The following FAM120A variants were observed in gnomAD, a reference collection of about 807,000 sequenced individuals.
FAM120A encodes the protein constitutive coactivator of PPAR-gamma-like protein 1.
Under a neutral mutation model 109.7 loss-of-function variants are expected in FAM120A, and 15 were observed. The ratio of observed to expected loss-of-function variants is 0.14; its 90% confidence interval spans 0.09 to 0.21. The LOEUF (loss-of-function observed/expected upper bound fraction) is 0.21, where lower values mean the gene tolerates loss of function less well. FAM120A is among the 10% of genes least tolerant of loss of function. The pLI, the probability that FAM120A is intolerant of heterozygous loss-of-function variation, is 1.00. For synonymous variants in FAM120A, 493 were observed against 572.8 expected, an observed-to-expected ratio of 0.86 and a Z score of 1.99; for missense variants, 899 against 1,439.3, an observed-to-expected ratio of 0.62 and a Z score of 6.07.
intron 10 of FAM120A, among the ~76,000 whole-genome samples, chr9:93,533,868 G>A (rs1861423230): frequency 6.6e-6 from 1 of 152,148 alleles, no homozygotes; most frequent in Non-Finnish European, 1.5e-5. Flanking sequence ...TTATTTGCTT[G>A]TGTGTTCTAA....
At chr9:93,560,099 C>T (rs1461438115) in intron 15 of FAM120A, among the ~76,000 whole-genome samples, 3 of 152,082 alleles carry the variant, frequency 2.0e-5, no homozygotes, top group Non-Finnish European at 4.4e-5. Context: ...TCAAGACCAG[C>T]CTGGGCAATA....
chr9:93,461,149 AT>A (rs946626931), intron 1 of FAM120A, among the ~76,000 whole-genome samples: 6 of 152,200 alleles, frequency 3.9e-5, no homozygotes, highest in African/African-American at 1.4e-4. Flanking sequence ...TGCGCCAGTC[AT>A]TTGGCATTTC....
intron 1 of FAM120A, among the ~76,000 whole-genome samples, chr9:93,464,202 ACTTGCCAAGTAAG>A (rs1857914635): frequency 2.0e-5 from 3 of 152,190 alleles, no homozygotes; most frequent in Non-Finnish European, 2.9e-5. Flanking sequence ...AAACAATTAT[ACTTGCCAAGTAAG>A]TTTGGGAGTT....
chr9:93,521,124 A>G (rs1860828663), intron 7 of FAM120A, among the ~76,000 whole-genome samples: 1 of 152,338 alleles, frequency 6.6e-6, no homozygotes, highest in South Asian at 2.1e-4. Flanking sequence ...ACTTCTTGCC[A>G]CATAGTTGTG....
intron 7 of FAM120A, among the ~76,000 whole-genome samples, chr9:93,524,828 C>A (rs754750887): frequency 6.6e-6 from 1 of 152,174 alleles, no homozygotes. Flanking sequence ...GCTTCCTGCA[C>A]AGTGCCCGGG....
intron 3 of FAM120A, among the ~76,000 whole-genome samples, chr9:93,486,004 T>G (rs1859031892): frequency 6.6e-6 from 1 of 152,204 alleles, no homozygotes; most frequent in Non-Finnish European, 1.5e-5. Flanking sequence ...GAAAAGAAAC[T>G]GTGTCCTACT....
chr9:93,474,818 C>T (rs1858478225), intron 2 of FAM120A, among the ~76,000 whole-genome samples: 1 of 152,206 alleles, frequency 6.6e-6, no homozygotes, highest in South Asian at 2.1e-4. Context: ...TGGTCTCGAT[C>T]TCCTGACCTC....
At chr9:93,514,716 C>T (rs1277708125) in intron 5 of FAM120A, among the ~76,000 whole-genome samples, 1 of 152,208 alleles carries the variant, frequency 6.6e-6, no homozygotes, top group African/African-American at 2.4e-5. Context: ...CATTTGGGCC[C>T]CAGTCGGTCC....
chr9:93,546,269 A>T (rs1320353068), intron 11 of FAM120A, among the ~76,000 whole-genome samples: 1 of 152,176 alleles, frequency 6.6e-6, no homozygotes, highest in African/African-American at 2.4e-5. Context: ...TTCCAAGTTT[A>T]GTGTGACACA....
intron 7 of FAM120A, among the ~76,000 whole-genome samples, chr9:93,524,891 A>G (rs559424280): frequency 1.1e-4 from 17 of 152,308 alleles, no homozygotes; most frequent in East Asian, 7.7e-4. Flanking sequence ...GTCTCAGCGC[A>G]GTGTAAGTCA....
rs77750454 is a variant in FAM120A at position 93,523,986 on chromosome 9, G to C, written c.1419-3169G>C. ...CTTGGCAGGGCCAGGCCGTGCAGGA[G>C]AACTCTGAGCATCTGTCCAGCCAGG... is the stretch of plus-strand genomic sequence containing the variant. On this transcript the variant is annotated intron_variant, in intron 7 of 17. Coordinates refer to ENST00000277165, the MANE Select transcript of FAM120A (RefSeq NM_014612.5). Among the ~76,000 whole-genome samples the C allele has an allele frequency of 6.6e-3, 999 of 152,302 alleles. 14 individuals carry two copies. Among genetic ancestry groups the C allele is most frequent in the African/African-American group, 0.023 (966 of 41,564 alleles).
At chr9:93,467,506 G>A (rs913760414) in intron 1 of FAM120A, among the ~76,000 whole-genome samples, 2 of 152,112 alleles carry the variant, frequency 1.3e-5, no homozygotes, top group Admixed American at 6.5e-5. Flanking sequence ...GAGCTGGAGC[G>A]TAGACTCCGA....
intron 2 of FAM120A, among the ~76,000 whole-genome samples, 197 bp from the exon 3 acceptor site, chr9:93,476,059 A>C (rs111740768): frequency 3.3e-5 from 5 of 152,214 alleles, no homozygotes; most frequent in African/African-American, 1.2e-4. Flanking sequence ...TTGGGACTGC[A>C]CTAGAAATTC....
At chr9:93,458,894 T>C (rs993814365) in intron 1 of FAM120A, among the ~76,000 whole-genome samples, 2 of 152,206 alleles carry the variant, frequency 1.3e-5, no homozygotes, top group African/African-American at 4.8e-5. Context: ...TTCAGACTTG[T>C]AGACCTTCCT....
At chr9:93,548,343 C>G (rs965162102) in intron 11 of FAM120A, among the ~76,000 whole-genome samples, 2 of 152,118 alleles carry the variant, frequency 1.3e-5, no homozygotes, top group Admixed American at 1.3e-4. Context: ...ATCTCCTGAC[C>G]TCGTGATCCT....
At chr9:93,512,718 T>C (rs1051050135) in intron 5 of FAM120A, among the ~76,000 whole-genome samples, 11 of 152,194 alleles carry the variant, frequency 7.2e-5, no homozygotes, top group African/African-American at 2.7e-4. Flanking sequence ...AGAACCGATA[T>C]AGACGAAGGC....
chr9:93,470,139 C>T (rs1469199664), intron 1 of FAM120A, among the ~76,000 whole-genome samples: 2 of 152,198 alleles, frequency 1.3e-5, no homozygotes, highest in African/African-American at 4.8e-5. Context: ...CTCCAAGGCC[C>T]TGTGGAGAGT....
At position 93,557,807 on chromosome 9, in the gene FAM120A, T is replaced by A; in HGVS notation, c.2485-20T>A. ...ACCCCCTGTGGATGGCATTTTCACA[T>A]GCTGGTCCTTGTCTTCCAGGCTGAT... is the stretch of plus-strand genomic sequence containing the variant. On this transcript the variant is annotated intron_variant, in intron 13 of 17. Coordinates refer to ENST00000277165, the MANE Select transcript of FAM120A (RefSeq NM_014612.5). 1 of 1,607,504 alleles carries A rather than the reference T, an allele frequency of 6.2e-7. No individual in the cohort carries two copies. The highest frequency in any genetic ancestry group is 2.2e-5 in the East Asian group (1 of 44,740).
chr9:93,513,248 C>T (rs961608126), intron 5 of FAM120A, among the ~76,000 whole-genome samples: 10 of 152,222 alleles, frequency 6.6e-5, no homozygotes, highest in Non-Finnish European at 8.8e-5. Context: ...TGATCGCACA[C>T]GTGGAGGTGC....
Sources: allele counts gnomAD v4.1 joint callset (sites outside exome capture counted in the v4.1 genomes callset), GRCh38; gene constraint gnomAD v4.1.1; transcripts MANE v1.5; gene names NCBI Gene and HGNC (gene_info 2026-07-23, HGNC 2026-07-21).